ANTXR2: variants seen among roughly 807,000 people sequenced by gnomAD.
ANTXR2 encodes anthrax toxin receptor 2.
A neutral mutation model predicts 73.7 loss-of-function variants in ANTXR2; 44 were observed. That is an observed-to-expected ratio of 0.60 (90% CI 0.47 to 0.77). ANTXR2 has a LOEUF of 0.77. Among genes scored for constraint, ANTXR2 ranks in the 30% least tolerant of loss-of-function variants. The pLI is 0.00. For synonymous variants in ANTXR2, 217 were observed against 205.9 expected, an observed-to-expected ratio of 1.05 and a Z score of -0.46; for missense variants, 604 against 592.5, an observed-to-expected ratio of 1.02 and a Z score of -0.20.
intron 12 of ANTXR2, among the ~76,000 whole-genome samples, chr4:79,990,395 A>AAC (rs1730411112): frequency 6.6e-6 from 1 of 150,648 alleles, no homozygotes; most frequent in East Asian, 1.9e-4. Context: ...AAAAAAAAAA[A>AAC]AAAAAAACAC....
At chr4:80,000,976 CAT>C (rs1426305203) in intron 12 of ANTXR2, among the ~76,000 whole-genome samples, 1 of 152,028 alleles carries the variant, frequency 6.6e-6, no homozygotes, top group Non-Finnish European at 1.5e-5. Flanking sequence ...ATTCTAATAA[CAT>C]ATATGCGTGA....
At chr4:79,930,194 A>G (rs1359305657) in intron 16 of ANTXR2, among the ~76,000 whole-genome samples, 1 of 152,174 alleles carries the variant, frequency 6.6e-6, no homozygotes, top group African/African-American at 2.4e-5. Context: ...ATGAAAACAG[A>G]AAAAAGCCTA....
intron 10 of ANTXR2, among the ~76,000 whole-genome samples, chr4:80,027,737 C>T (rs1381034836): frequency 6.6e-6 from 1 of 152,080 alleles, no homozygotes; most frequent in African/African-American, 2.4e-5. Flanking sequence ...TGTATATTTA[C>T]CCAATTTGCT....
intron 7 of ANTXR2, among the ~76,000 whole-genome samples, chr4:80,042,494 C>G (rs1733314262): frequency 1.3e-5 from 2 of 151,882 alleles, no homozygotes; most frequent in South Asian, 4.2e-4. Context: ...GCCTTTGGTC[C>G]TCTCCCCCTC....
intron 7 of ANTXR2, among the ~76,000 whole-genome samples, chr4:80,039,058 A>G (rs990198568): frequency 1.3e-5 from 2 of 152,126 alleles, no homozygotes; most frequent in Non-Finnish European, 2.9e-5. Context: ...GATATTAAAA[A>G]GTCTTATTAA....
intron 16 of ANTXR2, among the ~76,000 whole-genome samples, chr4:79,945,818 A>G (rs995755215): frequency 2.6e-5 from 4 of 152,134 alleles, no homozygotes; most frequent in Admixed American, 1.3e-4. Flanking sequence ...CTACTTTAAT[A>G]TATTTGTTCC....
In ANTXR2 at chr4:80,008,683, A is replaced by G. The variant is rs1315323289; in HGVS notation, c.946-67T>C. The G allele has an allele frequency of 5.0e-6, 5 of 991,084 alleles. No homozygotes were observed. The African/African-American group carries it at 8.6e-5, about 17-fold the overall frequency. 61.4% of individuals were successfully genotyped at this position (991,084 alleles called of 1,614,324 possible). A position where few individuals can be genotyped will look rare whatever the true frequency, so the allele number is the denominator to read the frequency against. ...TTATGGTCAAATTCCAAATGTATATATATTTTAAGGAAACACCAGAAAATA... is the reference window on the plus strand; with the variant it reads ...TTATGGTCAAATTCCAAATGTATATGTATTTTAAGGAAACACCAGAAAATA... On this transcript the variant is annotated intron_variant, in intron 11 of 16. Coordinates refer to ENST00000403729, the MANE Select transcript of ANTXR2 (RefSeq NM_058172.6).
intron 16 of ANTXR2, among the ~76,000 whole-genome samples, chr4:79,937,897 G>C (rs1348638953): frequency 7.1e-6 from 1 of 140,528 alleles, no homozygotes; most frequent in Admixed American, 7.2e-5. Flanking sequence ...AGCAGGGCGA[G>C]GCATTGCCTC....
At chr4:80,024,746 G>A (rs1358011574) in intron 10 of ANTXR2, 1 of 437,468 alleles carries the variant, frequency 2.3e-6, no homozygotes, top group South Asian at 1.6e-5. Context: ...GGGTGACAGT[G>A]AGACCCCACC....
At chr4:79,994,796 G>A (rs762743703) in intron 12 of ANTXR2, among the ~76,000 whole-genome samples, 1 of 151,820 alleles carries the variant, frequency 6.6e-6, no homozygotes, top group African/African-American at 2.4e-5. Flanking sequence ...TCTCTTCACC[G>A]GAGGTCCTTT....
At chr4:79,918,385 T>A (rs1042402949) in intron 16 of ANTXR2, among the ~76,000 whole-genome samples, 2 of 151,840 alleles carry the variant, frequency 1.3e-5, no homozygotes, top group Admixed American at 1.3e-4. Flanking sequence ...GATAAATACA[T>A]AGAAACCCAG....
chr4:79,911,726 A>T (rs948764664), intron 16 of ANTXR2, among the ~76,000 whole-genome samples: 4 of 151,978 alleles, frequency 2.6e-5, no homozygotes, highest in African/African-American at 9.7e-5. Context: ...AACATGTAAT[A>T]TATGTTATTA....
chr4:79,977,825 CTAATAAG>C, intron 15 of ANTXR2, 124 bp from the exon 16 acceptor site: 2 of 1,246,806 alleles, frequency 1.6e-6, no homozygotes, highest in Non-Finnish European at 2.2e-6. Flanking sequence ...ATAAGGTAAA[CTAATAAG>C]TAATAAAAAC....
At position 80,015,036 on chromosome 4, in the gene ANTXR2, T is replaced by C. The variant is rs567278743; in HGVS notation, c.945+3862A>G. On this transcript the variant is annotated intron_variant, in intron 11 of 16. Transcript: ENST00000403729. ...GCATTTTTGTCTTTGACTCTATGTA[T>C]TCCTCCCCACTTCAAAATGACATTA... 1.9e-4 allele frequency among the ~76,000 whole-genome samples: 29 copies of C among 152,290 alleles called. No individual in the cohort carries two copies. The South Asian group carries it at 5.8e-3, about 30-fold the overall frequency.
intron 12 of ANTXR2, among the ~76,000 whole-genome samples, chr4:79,989,474 C>G (rs1050886894): frequency 6.6e-6 from 1 of 151,900 alleles, no homozygotes; most frequent in Non-Finnish European, 1.5e-5. Context: ...ATAACAAGTT[C>G]TGAAACTTGA....
chr4:80,001,950 C>T (rs1016415366), intron 12 of ANTXR2, among the ~76,000 whole-genome samples: 24 of 151,812 alleles, frequency 1.6e-4, no homozygotes, highest in Non-Finnish European at 2.9e-4. Context: ...TGTCTCTGCA[C>T]GTGAGATGGG....
At chr4:79,947,925 T>A (rs903944802) in intron 16 of ANTXR2, among the ~76,000 whole-genome samples, 1 of 152,186 alleles carries the variant, frequency 6.6e-6, no homozygotes, top group Non-Finnish European at 1.5e-5. Flanking sequence ...AGGTATGTAT[T>A]TGAGAAATTA....
intron 11 of ANTXR2, among the ~76,000 whole-genome samples, chr4:80,015,122 T>A (rs1030902098): frequency 1.3e-5 from 2 of 152,210 alleles, no homozygotes; most frequent in Non-Finnish European, 2.9e-5. Context: ...AAAACTTAAA[T>A]TTTTACTTCC....
chr4:79,907,042 G>T lies in ANTXR2; in HGVS notation c.*387C>A. 4.3e-6 allele frequency: 1 copy of T among 231,050 alleles called. No homozygotes were observed. Among genetic ancestry groups the T allele is most frequent in the Non-Finnish European group, 8.3e-6 (1 of 120,244 alleles). The allele number at this position is 231,050 out of a possible 1,614,324, so 14.3% of individuals were successfully genotyped here. A position where few individuals can be genotyped will look rare whatever the true frequency, so the allele number is the denominator to read the frequency against. ...CCATGTTTCCATGTAAAAAACTCCT[G>T]TCTCCCATCATGGCTAGTTGTTTTG... On this transcript the variant is annotated 3_prime_UTR_variant, in exon 17 of 17. Transcript: ENST00000403729.
Sources: allele counts gnomAD v4.1 joint callset (sites outside exome capture counted in the v4.1 genomes callset), GRCh38; gene constraint gnomAD v4.1.1; transcripts MANE v1.5; gene names NCBI Gene and HGNC (gene_info 2026-07-23, HGNC 2026-07-21).